RBFOX1: variants seen among roughly 807,000 people sequenced by gnomAD.
RBFOX1 encodes RNA binding fox-1 homolog 1.
RBFOX1 carries 8 observed loss-of-function variants against 57.7 expected under a neutral mutation model. That is an observed-to-expected ratio of 0.14 (90% CI 0.08 to 0.25). The LOEUF (loss-of-function observed/expected upper bound fraction) is 0.25, where lower values mean the gene tolerates loss of function less well. Among genes scored for constraint, RBFOX1 ranks in the 10% least tolerant of loss-of-function variants. RBFOX1 has a pLI of 1.00. For missense variants in RBFOX1, 611 were observed against 548.5 expected, an observed-to-expected ratio of 1.11 and a Z score of -1.14; for synonymous variants, 326 against 222.4, an observed-to-expected ratio of 1.47 and a Z score of -4.15.
At chr16:6,193,908 A>T (rs1348896633) in intron 1 of RBFOX1, among the ~76,000 whole-genome samples, 1 of 151,936 alleles carries the variant, frequency 6.6e-6, no homozygotes, top group Non-Finnish European at 1.5e-5. Flanking sequence ...TCCTGTGTTC[A>T]CACCTAAGCG....
chr16:6,754,499 A>C (rs1261613458), intron 3 of RBFOX1, among the ~76,000 whole-genome samples: 1 of 152,116 alleles, frequency 6.6e-6, no homozygotes, highest in Non-Finnish European at 1.5e-5. Flanking sequence ...CATGAGGAAA[A>C]TTGAAGCACT....
chr16:6,695,374 C>G (rs2060866155), intron 3 of RBFOX1, among the ~76,000 whole-genome samples: 1 of 136,052 alleles, frequency 7.4e-6, no homozygotes. Context: ...TGAGATTGCG[C>G]CGCTTCACTC....
intron 1 of RBFOX1, among the ~76,000 whole-genome samples, chr16:6,157,081 C>T (rs2096843642): frequency 6.6e-6 from 1 of 152,066 alleles, no homozygotes; most frequent in African/African-American, 2.4e-5. Context: ...AGTGATCCTC[C>T]ACCATGGCCT....
chr16:7,454,070 T>C (rs2057976644), intron 4 of RBFOX1, among the ~76,000 whole-genome samples: 1 of 152,128 alleles, frequency 6.6e-6, no homozygotes, highest in Non-Finnish European at 1.5e-5. Flanking sequence ...CCGTCTCTAC[T>C]AAAAATACAA....
chr16:6,296,779 A>G (rs757428827), intron 1 of RBFOX1, among the ~76,000 whole-genome samples: 2 of 152,148 alleles, frequency 1.3e-5, no homozygotes, highest in Non-Finnish European at 2.9e-5. Context: ...GATCCACATG[A>G]GTTTACTTGC....
At chr16:5,261,251 C>T (rs1011317729) in intron 1 of RBFOX1, among the ~76,000 whole-genome samples, 5 of 152,136 alleles carry the variant, frequency 3.3e-5, no homozygotes, top group Non-Finnish European at 7.3e-5. Flanking sequence ...TCTTTCTGTT[C>T]TGCAATCATA....
At chr16:7,532,486 C>G (rs1053719679) in intron 5 of RBFOX1, among the ~76,000 whole-genome samples, 2 of 152,150 alleles carry the variant, frequency 1.3e-5, no homozygotes, top group African/African-American at 4.8e-5. Context: ...CAGAGGGGAC[C>G]TAGGAAAAGG....
chr16:5,466,440 C>G (rs1381961526), intron 1 of RBFOX1, among the ~76,000 whole-genome samples: 1 of 151,992 alleles, frequency 6.6e-6, no homozygotes, highest in Non-Finnish European at 1.5e-5. Context: ...ATTTCAGAGC[C>G]TGGTGGGGGC....
At chr16:5,629,569 G>T (rs1472692425) in intron 3 of RBFOX1, among the ~76,000 whole-genome samples, 6 of 152,192 alleles carry the variant, frequency 3.9e-5, no homozygotes, top group African/African-American at 1.4e-4. Context: ...TAATACCTGA[G>T]AAGCTGCTTT....
At chr16:5,890,448 C>G (rs2058019232) in intron 4 of RBFOX1, among the ~76,000 whole-genome samples, 1 of 152,066 alleles carries the variant, frequency 6.6e-6, no homozygotes, top group Non-Finnish European at 1.5e-5. Flanking sequence ...CCTGTAATCC[C>G]ACCACTTTGG....
chr16:6,547,800 C>T (rs2096917100), intron 2 of RBFOX1, among the ~76,000 whole-genome samples: 1 of 151,716 alleles, frequency 6.6e-6, no homozygotes, highest in Non-Finnish European at 1.5e-5. Context: ...AAAATGTCAT[C>T]TTTCCTATTT....
At chr16:5,475,479 C>T (rs1266271536) in intron 2 of RBFOX1, among the ~76,000 whole-genome samples, 1 of 152,220 alleles carries the variant, frequency 6.6e-6, no homozygotes, top group African/African-American at 2.4e-5. Flanking sequence ...TTTTTCTGCA[C>T]CTTCTTCCAA....
intron 1 of RBFOX1, among the ~76,000 whole-genome samples, chr16:6,159,012 C>G (rs968872813): frequency 2.0e-5 from 3 of 152,170 alleles, no homozygotes; most frequent in African/African-American, 7.2e-5. Context: ...AAGCAATTCT[C>G]CTGCCTCAGC....
intron 4 of RBFOX1, among the ~76,000 whole-genome samples, chr16:7,152,966 G>C (rs2076379761): frequency 6.6e-6 from 1 of 152,170 alleles, no homozygotes; most frequent in African/African-American, 2.4e-5. Flanking sequence ...GCCATTGCTG[G>C]TGCATAAAAC....
chr16:5,776,389 C>T (rs943704595), intron 3 of RBFOX1, among the ~76,000 whole-genome samples: 1 of 152,160 alleles, frequency 6.6e-6, no homozygotes, highest in African/African-American at 2.4e-5. Flanking sequence ...CAGCATGAGA[C>T]CACGGCCACC....
In RBFOX1 at chr16:6,587,681, G is replaced by A. The variant is rs540182541; in HGVS notation, c.-63-66922G>A. Among the ~76,000 whole-genome samples, 5 of 152,238 alleles carry A rather than the reference G, an allele frequency of 3.3e-5. No homozygotes were observed. The East Asian group carries it at 9.7e-4, about 29-fold the overall frequency. ...AAATCTACTAGGGTAGAGGTTTTTA[G>A]TGTAAAAAACAGAGAGATGATTTTT... On this transcript the variant is annotated intron_variant, in intron 2 of 15. Coordinates refer to ENST00000550418, the MANE Select transcript of RBFOX1 (RefSeq NM_018723.4).
chr16:6,534,233 T>C (rs2096704509), intron 2 of RBFOX1, among the ~76,000 whole-genome samples: 1 of 152,050 alleles, frequency 6.6e-6, no homozygotes, highest in Admixed American at 6.6e-5. Flanking sequence ...AAGAAATGAA[T>C]TGCTGACAAG....
chr16:7,401,721 A>G (rs1264173223), intron 4 of RBFOX1, among the ~76,000 whole-genome samples: 1 of 152,172 alleles, frequency 6.6e-6, no homozygotes, highest in Non-Finnish European at 1.5e-5. Flanking sequence ...CAGTGAGGTA[A>G]TGAGGAAATG....
intron 1 of RBFOX1, among the ~76,000 whole-genome samples, chr16:5,399,111 G>A (rs2151434995): frequency 6.6e-6 from 1 of 152,312 alleles, no homozygotes; most frequent in South Asian, 2.1e-4. Flanking sequence ...TCTATTCTCA[G>A]AGGACTAATA....
Sources: allele counts gnomAD v4.1 joint callset (sites outside exome capture counted in the v4.1 genomes callset), GRCh38; gene constraint gnomAD v4.1.1; transcripts MANE v1.5; gene names NCBI Gene and HGNC (gene_info 2026-07-23, HGNC 2026-07-21).